The following ATF7 variants were observed in gnomAD, a reference collection of about 807,000 sequenced individuals.
The protein encoded by ATF7 is activating transcription factor 7.
A neutral mutation model predicts 50.4 loss-of-function variants in ATF7; 10 were observed. That is an observed-to-expected ratio of 0.20 (90% confidence interval 0.12 to 0.34). ATF7 has a LOEUF of 0.34. Ranked by LOEUF, ATF7 falls within the 10% of genes least tolerant of loss-of-function variation. ATF7 has a pLI of 1.00. For missense variants in ATF7, 465 were observed against 613.9 expected (o/e 0.76, Z 2.56); for synonymous variants, 201 against 226.4 (o/e 0.89, Z 1.01).
downstream of ATF7, among the ~76,000 whole-genome samples, chr12:53,508,422 T>A (rs1944063478): frequency 6.6e-6 from 1 of 150,796 alleles, no homozygotes; most frequent in South Asian, 2.1e-4. Flanking sequence ...TAGCTGGGCG[T>A]GGTGGTAGGC....
intron 7 of ATF7, 41 bp from the exon 8 acceptor site, chr12:53,532,664 A>G (rs759695104): frequency 9.3e-6 from 13 of 1,395,816 alleles, no homozygotes; most frequent in Non-Finnish European, 1.3e-5. Context: ...AGAAGGGAAC[A>G]TAATACCATC....
intron 2 of ATF7, among the ~76,000 whole-genome samples, chr12:53,587,843 A>ATATATATATATATATATATATATATTT: frequency 2.3e-4 from 14 of 61,548 alleles, no homozygotes; most frequent in Non-Finnish European, 4.4e-4. Flanking sequence ...ATATATATAT[A>ATATATATATATATATATATATATATTT]TTTTTTTTTT....
intron 2 of ATF7, among the ~76,000 whole-genome samples, chr12:53,575,313 AG>A (rs1369963783): frequency 3.3e-5 from 5 of 152,092 alleles, no homozygotes; most frequent in African/African-American, 1.2e-4. Context: ...AGGCTGAGGC[AG>A]GAGAATCGCT....
At chr12:53,519,219 G>A (rs990241615) in intron 11 of ATF7, among the ~76,000 whole-genome samples, 3 of 152,100 alleles carry the variant, frequency 2.0e-5, no homozygotes, top group Non-Finnish European at 2.9e-5. Context: ...AGAAGAAAAC[G>A]GGAACCCTAT....
intron 11 of ATF7, among the ~76,000 whole-genome samples, chr12:53,521,551 G>T (rs749760043): frequency 1.3e-5 from 2 of 152,126 alleles, no homozygotes; most frequent in Admixed American, 6.5e-5. Flanking sequence ...AATGCATATA[G>T]CTCCCTCACT....
At chr12:53,593,172 G>C (rs374268669) in intron 2 of ATF7, among the ~76,000 whole-genome samples, 73 of 152,202 alleles carry the variant, frequency 4.8e-4, no homozygotes, top group Non-Finnish European at 8.8e-4. Flanking sequence ...TGGGAGCCTC[G>C]GGTGAGAGGA....
At chr12:53,614,778 T>C (rs904056391) in intron 1 of ATF7, among the ~76,000 whole-genome samples, 2 of 152,130 alleles carry the variant, frequency 1.3e-5, no homozygotes, top group African/African-American at 4.8e-5. Flanking sequence ...CTTCAAAAAA[T>C]AAGTTAAAGA....
At chr12:53,586,810 C>T (rs145154440) in intron 2 of ATF7, among the ~76,000 whole-genome samples, 8 of 152,306 alleles carry the variant, frequency 5.3e-5, no homozygotes, top group East Asian at 1.9e-4. Flanking sequence ...CACACACACA[C>T]GCACACACGT....
chr12:53,620,352 G>A (rs1376869956), intron 1 of ATF7, among the ~76,000 whole-genome samples: 9 of 151,664 alleles, frequency 5.9e-5, no homozygotes, highest in South Asian at 2.1e-4. Flanking sequence ...CGAGGCGGGC[G>A]GATCACGAGG....
At chr12:53,566,771 T>A (rs1294404022) in intron 2 of ATF7, among the ~76,000 whole-genome samples, 1 of 152,212 alleles carries the variant, frequency 6.6e-6, no homozygotes, top group East Asian at 1.9e-4. Context: ...TGCTTTGTTT[T>A]GAGATGCAGT....
intron 2 of ATF7, among the ~76,000 whole-genome samples, chr12:53,594,880 C>T (rs1261947): frequency 0.99 from 145,051 of 146,472 alleles, 71,843 homozygotes; most frequent in Middle Eastern, 1. Context: ...AGAGCGAGAC[C>T]CCATCTCAAA....
chr12:53,567,114 T>C (rs1264384739), intron 2 of ATF7, among the ~76,000 whole-genome samples: 3 of 152,236 alleles, frequency 2.0e-5, no homozygotes, highest in Non-Finnish European at 2.9e-5. Context: ...CTAACCAATA[T>C]ACGATTTTCA....
rs2137299165 is a variant in ATF7, at chr12:53,514,890, T to C, written c.*2247A>G. On this transcript the variant is annotated 3_prime_UTR_variant, in exon 12 of 12. Transcript: ENST00000420353. ...AGGAGCCATAAACTCAGTCAAGCTTTAGGGCAAGGCTGCTACTGGGAAATC... is the reference window on the plus strand; with the variant it reads ...AGGAGCCATAAACTCAGTCAAGCTTCAGGGCAAGGCTGCTACTGGGAAATC... 1 of 152,280 alleles carries C rather than the reference T, an allele frequency of 6.6e-6. No individual in the cohort carries two copies. The highest frequency in any genetic ancestry group is 1.9e-4 in the East Asian group (1 of 5,186). 9.4% of individuals were successfully genotyped at this position (152,280 alleles called of 1,614,324 possible).
chr12:53,553,333 T>C (rs1259084181), intron 2 of ATF7, among the ~76,000 whole-genome samples: 1 of 152,132 alleles, frequency 6.6e-6, no homozygotes, highest in Non-Finnish European at 1.5e-5. Context: ...GCCAGTACAA[T>C]GCTGATGACT....
chr12:53,621,467 G>T (rs1441232281), intron 1 of ATF7, among the ~76,000 whole-genome samples: 1 of 151,850 alleles, frequency 6.6e-6, no homozygotes. Context: ...TAATTACAGG[G>T]ATAAATGTAA....
chr12:53,510,706 C>T (rs1288369754), downstream of ATF7, among the ~76,000 whole-genome samples: 1 of 152,224 alleles, frequency 6.6e-6, no homozygotes, highest in Admixed American at 6.5e-5. Flanking sequence ...ACATCAATTA[C>T]AAGTGGCTCT....
chr12:53,525,641 T>C (rs972663862), intron 9 of ATF7, among the ~76,000 whole-genome samples: 2 of 152,226 alleles, frequency 1.3e-5, no homozygotes, highest in African/African-American at 4.8e-5. Context: ...GAACCCCCTT[T>C]TGTTTATAAA....
At chr12:53,521,338 G>A (rs1938115714) in intron 11 of ATF7, among the ~76,000 whole-genome samples, 1 of 152,072 alleles carries the variant, frequency 6.6e-6, no homozygotes, top group Non-Finnish European at 1.5e-5. Flanking sequence ...GGCCCCCAGT[G>A]TGGAGTAAAA....
At chr12:53,592,273 CA>C (rs1335354052) in intron 2 of ATF7, among the ~76,000 whole-genome samples, 4 of 152,178 alleles carry the variant, frequency 2.6e-5, no homozygotes, top group Admixed American at 6.5e-5. Context: ...TTTCACTGCA[CA>C]AAGAAATTTC....
Sources: allele counts gnomAD v4.1 joint callset (sites outside exome capture counted in the v4.1 genomes callset), GRCh38; gene constraint gnomAD v4.1.1; transcripts MANE v1.5; gene names NCBI Gene and HGNC (gene_info 2026-07-23, HGNC 2026-07-21).